Variants in CDYL2 observed in about 807,000 individuals in gnomAD.
The protein encoded by CDYL2 is chromodomain Y-like protein 2.
CDYL2 carries 23 observed loss-of-function variants against 49.4 expected under a neutral mutation model. The ratio of observed to expected loss-of-function variants is 0.47; its 90% confidence interval spans 0.34 to 0.66. The LOEUF (loss-of-function observed/expected upper bound fraction) is 0.66, where lower values mean the gene tolerates loss of function less well. Ranked by LOEUF, CDYL2 falls within the 30% of genes least tolerant of loss-of-function variation. The pLI, the probability that CDYL2 is intolerant of heterozygous loss-of-function variation, is 0.01. For missense variants in CDYL2, 678 were observed against 656.4 expected, an observed-to-expected ratio of 1.03 and a Z score of -0.36; for synonymous variants, 360 against 268.8, an observed-to-expected ratio of 1.34 and a Z score of -3.32.
At chr16:80,627,743 G>C (rs1294730819) in intron 3 of CDYL2, 2 of 152,174 alleles carry the variant, frequency 1.3e-5, no homozygotes, top group African/African-American at 2.4e-5. Flanking sequence ...GCCTATAACA[G>C]AAAATTCTTC....
intron 1 of CDYL2, among the ~76,000 whole-genome samples, chr16:80,722,899 G>C (rs1255948066): frequency 6.6e-6 from 1 of 152,190 alleles, no homozygotes; most frequent in African/African-American, 2.4e-5. Flanking sequence ...AATTATTCTT[G>C]GCTGGAGGAT....
chr16:80,623,037 A>T (rs1270977632), intron 3 of CDYL2, among the ~76,000 whole-genome samples: 2 of 152,226 alleles, frequency 1.3e-5, no homozygotes, highest in African/African-American at 4.8e-5. Flanking sequence ...CAGAGCCTGC[A>T]CTAACAGACT....
intron 1 of CDYL2, among the ~76,000 whole-genome samples, chr16:80,795,455 G>T (rs1244187274): frequency 1.3e-5 from 2 of 152,140 alleles, no homozygotes; most frequent in Non-Finnish European, 2.9e-5. Context: ...ATAAAGTCCT[G>T]GTCAATGAAT....
chr16:80,608,259 G>C (rs1337981335), intron 5 of CDYL2, 24 bp from the exon 6 acceptor site: 36 of 1,543,336 alleles, frequency 2.3e-5, no homozygotes, highest in Non-Finnish European at 3.2e-5. Context: ...AGCAGGCAAA[G>C]ACTGAGGGCC....
intron 2 of CDYL2, among the ~76,000 whole-genome samples, chr16:80,650,601 A>G (rs1908542058): frequency 6.6e-6 from 1 of 152,206 alleles, no homozygotes; most frequent in Non-Finnish European, 1.5e-5. Context: ...CATGTGATCC[A>G]GCAATCCCAC....
chr16:80,802,619 C>A (rs1907960005), intron 1 of CDYL2, among the ~76,000 whole-genome samples: 1 of 152,178 alleles, frequency 6.6e-6, no homozygotes, highest in African/African-American at 2.4e-5. Context: ...ATACACCATT[C>A]TTTCAAGGAG....
intron 1 of CDYL2, among the ~76,000 whole-genome samples, chr16:80,788,857 G>A (rs554945593): frequency 6.6e-6 from 1 of 152,052 alleles, no homozygotes; most frequent in South Asian, 2.1e-4. Context: ...CTCATCAAAG[G>A]ACTAATACCC....
chr16:80,679,100 T>C (rs2142465509), intron 2 of CDYL2, among the ~76,000 whole-genome samples: 2 of 101,022 alleles, frequency 2.0e-5, no homozygotes, highest in East Asian at 6.5e-4. Flanking sequence ...CATCACACTC[T>C]GGGGACTGTT....
At chr16:80,795,001 T>G (rs1051261934) in intron 1 of CDYL2, among the ~76,000 whole-genome samples, 1 of 152,206 alleles carries the variant, frequency 6.6e-6, no homozygotes, top group Non-Finnish European at 1.5e-5. Flanking sequence ...AAAATTTGAC[T>G]GATGGATCAT....
rs555178769 is a variant in CDYL2 at position 80,598,495 on chromosome 16, G to A, written c.*5893C>T. 6.6e-6 allele frequency: 1 copy of A among 152,198 alleles called. No individual in the cohort carries two copies. Among genetic ancestry groups the A allele is most frequent in the East Asian group, 1.9e-4 (1 of 5,170 alleles). 9.4% of individuals were successfully genotyped at this position (152,198 alleles called of 1,614,324 possible). A position where few individuals can be genotyped will look rare whatever the true frequency, so the allele number is the denominator to read the frequency against. On this transcript the variant is annotated 3_prime_UTR_variant, in exon 7 of 7. Coordinates refer to ENST00000570137, the MANE Select transcript of CDYL2 (RefSeq NM_152342.4). ...AGACAATTCTTCTCACACCTAACAG[G>A]AATTAGAATGGGTCAATGAAGAACA...
At chr16:80,799,442 C>G (rs774516561) in intron 1 of CDYL2, among the ~76,000 whole-genome samples, 22 of 152,236 alleles carry the variant, frequency 1.4e-4, no homozygotes, top group South Asian at 4.2e-4. Context: ...TCCCCAAGTG[C>G]CTCTCATATA....
At chr16:80,681,045 A>C (rs901448017) in intron 2 of CDYL2, among the ~76,000 whole-genome samples, 1 of 152,160 alleles carries the variant, frequency 6.6e-6, no homozygotes, top group Non-Finnish European at 1.5e-5. Flanking sequence ...CTGAAACCAA[A>C]ACACCACCCG....
At position 80,692,378 on chromosome 16, in the gene CDYL2, A is replaced by G. The variant is rs966270327; in HGVS notation, c.25-7249T>C. On this transcript the variant is annotated intron_variant, in intron 1 of 6. Transcript: ENST00000570137. ...TAAATATTCTGAACTCAAGAATTCT[A>G]TTCTATAGCCCAAGTGGTCCTTCAG... is the stretch of plus-strand genomic sequence containing the variant. 1.3e-5 allele frequency among the ~76,000 whole-genome samples: 2 copies of G among 152,206 alleles called. 1 individual carries two copies. The highest frequency in any genetic ancestry group is 2.9e-5 in the Non-Finnish European group (2 of 68,030).
chr16:80,719,082 T>C (rs1904910164), intron 1 of CDYL2, among the ~76,000 whole-genome samples: 1 of 152,158 alleles, frequency 6.6e-6, no homozygotes, highest in South Asian at 2.1e-4. Flanking sequence ...GAAGCGAACA[T>C]TACTCATTCA....
At chr16:80,760,343 TG>T (rs1305176906) in intron 1 of CDYL2, among the ~76,000 whole-genome samples, 1 of 151,974 alleles carries the variant, frequency 6.6e-6, no homozygotes, top group Non-Finnish European at 1.5e-5. Flanking sequence ...TGAAGGGTAG[TG>T]GGGGGTTGGA....
chr16:80,669,297 C>A (rs975514816), intron 2 of CDYL2, among the ~76,000 whole-genome samples: 2 of 152,000 alleles, frequency 1.3e-5, no homozygotes, highest in Non-Finnish European at 2.9e-5. Context: ...GAAGCAGATA[C>A]GACGATATAT....
At chr16:80,675,614 C>T (rs146779502) in intron 2 of CDYL2, among the ~76,000 whole-genome samples, 3,564 of 151,900 alleles carry the variant, frequency 0.023, 50 homozygotes, top group African/African-American at 0.042. Flanking sequence ...GGCTTTTCAC[C>T]GACATTAGGA....
chr16:80,702,321 A>C (rs1904306046), intron 1 of CDYL2, among the ~76,000 whole-genome samples: 1 of 152,184 alleles, frequency 6.6e-6, no homozygotes, highest in Admixed American at 6.5e-5. Flanking sequence ...TCAGAAAAGC[A>C]CGTTCTGCAC....
chr16:80,658,550 T>C (rs1056119777), intron 2 of CDYL2, among the ~76,000 whole-genome samples: 2 of 152,164 alleles, frequency 1.3e-5, no homozygotes, highest in Admixed American at 6.5e-5. Flanking sequence ...TATATGATAT[T>C]GTGGAGAAAT....
Sources: gnomAD v4.1 joint callset for allele counts (sites outside exome capture counted in the v4.1 genomes callset) on GRCh38, gnomAD v4.1.1 for gene constraint, MANE v1.5 for transcripts, NCBI Gene and HGNC (gene_info 2026-07-23, HGNC 2026-07-21) for gene names.